SPP1: variants seen among roughly 807,000 people sequenced by gnomAD.
SPP1 encodes the protein secreted phosphoprotein 1.
A neutral mutation model predicts 20.8 loss-of-function variants in SPP1; 18 were observed. The ratio of observed to expected loss-of-function variants is 0.87; its 90% CI spans 0.60 to 1.29. The LOEUF (loss-of-function observed/expected upper bound fraction) is 1.29. Among genes scored for constraint, SPP1 ranks in the 50% most tolerant of loss-of-function variants. SPP1 has a pLI of 0.00. For synonymous variants in SPP1, 146 were observed against 141.5 expected (o/e 1.03, Z -0.23); for missense variants, 363 against 389.0 (o/e 0.93, Z 0.56).
chr4:87,980,168 A>G (rs1256299786), intron 4 of SPP1, 42 bp downstream of exon 4: 5 of 1,607,838 alleles, frequency 3.1e-6, no homozygotes, highest in Middle Eastern at 1.7e-4. Flanking sequence ...GTGATGAAAG[A>G]TAGCCACACT....
At position 87,976,885 on chromosome 4, in the gene SPP1, A is replaced by G; in HGVS notation, c.-11A>G. 1 of 1,611,496 alleles carries G rather than the reference A, an allele frequency of 6.2e-7. No individual in the cohort carries two copies. The highest frequency in any genetic ancestry group is 8.5e-7 in the Non-Finnish European group (1 of 1,177,774). On this transcript the variant is annotated 5_prime_UTR_variant, in exon 2 of 7. Coordinates refer to ENST00000395080, the MANE Select transcript of SPP1 (RefSeq NM_001040058.2). ...TTCCTTATGAAATATTTTGCAGGAA[A>G]ACTCACTACCATGAGAATTGCAGTG...
In SPP1 at chr4:87,980,075, C is replaced by T; in HGVS notation, c.123C>T (p.Ala41=). ...QLYNKYPDAV[A]TWLNPDPSQK... ...ACAACAAATACCCAGATGCTGTGGC[C>T]ACATGGCTAAACCCTGACCCATCTC... Residue 41 remains alanine (A), a synonymous_variant, in exon 4 of 7, where the codon GCC becomes GCT. Coordinates refer to ENST00000395080, the MANE Select transcript of SPP1 (RefSeq NM_001040058.2). 4 of 1,614,044 alleles carry T rather than the reference C, an allele frequency of 2.5e-6. No homozygotes were observed. Among genetic ancestry groups the T allele is most frequent in the Non-Finnish European group, 3.4e-6 (4 of 1,180,006 alleles).
intron 5 of SPP1, 63 bp from the exon 6 acceptor site, chr4:87,981,412 C>T: frequency 2.1e-6 from 3 of 1,398,418 alleles, no homozygotes; most frequent in Non-Finnish European, 3.0e-6. Context: ...GACTAATGTG[C>T]TATAAAGGCT....
At chr4:87,978,620 G>T (rs989490596) in intron 3 of SPP1, among the ~76,000 whole-genome samples, 7 of 152,066 alleles carry the variant, frequency 4.6e-5, no homozygotes, top group Non-Finnish European at 1.0e-4. Flanking sequence ...CTGACCTCGT[G>T]ATCCACCCTC....
In SPP1 at chr4:87,982,599, T is replaced by C. The variant is rs781212990; in HGVS notation, c.648T>C (p.Asp216=). 4 of 1,614,096 alleles carry C rather than the reference T, an allele frequency of 2.5e-6. No homozygotes were observed. Among genetic ancestry groups the C allele is most frequent in the South Asian group, 2.2e-5 (2 of 91,078 alleles). The change falls in exon 7 of 7, where the codon GAT becomes GAC. Residue 216 remains aspartate, a synonymous_variant. Transcript: ENST00000395080. The part of the protein sequence containing the change: ...PVAQDLNAPS[D]WDSRGKDSYE... ...CCCAGGACCTGAACGCGCCTTCTGA[T>C]TGGGACAGCCGTGGGAAGGACAGTT...
In SPP1 at chr4:87,982,693, C is replaced by G; in HGVS notation, c.742C>G (p.Arg248Gly). 6.2e-7 allele frequency: 1 copy of G among 1,614,000 alleles called. No homozygotes were observed. Among genetic ancestry groups the G allele is most frequent in the Non-Finnish European group, 8.5e-7 (1 of 1,180,010 alleles). The change falls in exon 7 of 7, where the codon CGG becomes GGG. Residue 248 changes from arginine (R) to glycine (G), a missense_variant. Transcript: ENST00000395080. The stretch of plus-strand genomic sequence containing the variant: ...CCACAAGCAGTCCAGATTATATAAG[C>G]GGAAAGCCAATGATGAGAGCAATGA... ...HSHKQSRLYK[R>G]KANDESNEHS...
intron 5 of SPP1, 177 bp downstream of exon 5, chr4:87,980,611 G>A (rs1421100102): frequency 6.2e-6 from 4 of 646,306 alleles, no homozygotes; most frequent in African/African-American, 1.9e-5. Context: ...AGGTTTCCTC[G>A]GATAAGTTTA....
At position 87,978,959 on chromosome 4, in the gene SPP1, A is replaced by G. The variant is rs548011601; in HGVS notation, c.94-1087A>G. Among the ~76,000 whole-genome samples, 12 of 152,332 alleles carry G rather than the reference A, an allele frequency of 7.9e-5. No individual in the cohort carries two copies. In the South Asian group the frequency reaches 2.3e-3, roughly 29 times the overall value. ...CTCAGAGCAATTTCCACTCCTTTGC[A>G]GTAGCATATTATCAGTATTTTCCAG... On this transcript the variant is annotated intron_variant, in intron 3 of 6. Coordinates refer to ENST00000395080, the MANE Select transcript of SPP1 (RefSeq NM_001040058.2).
intron 3 of SPP1, among the ~76,000 whole-genome samples, chr4:87,979,668 A>G (rs1472594157): frequency 1.3e-5 from 2 of 152,206 alleles, no homozygotes; most frequent in African/African-American, 4.8e-5. Flanking sequence ...AAGAAAGCAC[A>G]GTGTGAAGTT....
Position 87,981,499 on chromosome 4 carries a change from A to T in SPP1, c.241A>T (p.Ser81Cys), listed in dbSNP as rs779398016. The T allele has an allele frequency of 8.1e-6, 13 of 1,614,150 alleles. No homozygotes were observed. In the South Asian group the frequency reaches 1.4e-4, roughly 18 times the overall value. The change falls in exon 6 of 7, where the codon AGC (serine) becomes TGC (cysteine). Residue 81 changes from serine (S) to cysteine (C), a missense_variant. Ser to Cys is a moderately radical substitution (Grantham distance 112). Transcript: ENST00000395080. ...QETLPSKSNE[S>C]HDHMDDMDDE... The stretch of plus-strand genomic sequence containing the variant: ...GACCCTTCCAAGTAAGTCCAACGAA[A>T]GCCATGACCACATGGATGATATGGA...
chr4:87,978,357 A>G (rs1725480835), intron 3 of SPP1, among the ~76,000 whole-genome samples: 1 of 151,228 alleles, frequency 6.6e-6, no homozygotes, highest in African/African-American at 2.4e-5. Flanking sequence ...AAAAACTCTG[A>G]ACTCATCTGG....
chr4:87,978,953 C>A (rs987730696), intron 3 of SPP1, among the ~76,000 whole-genome samples: 2 of 152,146 alleles, frequency 1.3e-5, no homozygotes, highest in Non-Finnish European at 2.9e-5. Context: ...ATTTCCACTC[C>A]TTTGCAGTAG....
chr4:87,983,082 T>A lies in SPP1; in HGVS notation c.*186T>A. On this transcript the variant is annotated 3_prime_UTR_variant, in exon 7 of 7. Coordinates refer to ENST00000395080, the MANE Select transcript of SPP1 (RefSeq NM_001040058.2). ...TTTGTGGCTTCATGGAAACTCCCTG[T>A]AAACTAAAAGCTTCAGGGTTATGTC... The A allele has an allele frequency of 1.6e-6, 1 of 608,040 alleles. No individual in the cohort carries two copies. The highest frequency in any genetic ancestry group is 2.8e-6 in the Non-Finnish European group (1 of 362,254). 37.7% of individuals were successfully genotyped at this position (608,040 alleles called of 1,614,324 possible). A position where few individuals can be genotyped will look rare whatever the true frequency, so the allele number is the denominator to read the frequency against.
intron 1 of SPP1, among the ~76,000 whole-genome samples, chr4:87,976,509 C>A (rs568704216): frequency 7.2e-4 from 109 of 152,072 alleles, no homozygotes; most frequent in Non-Finnish European, 1.1e-3. Context: ...GTTTTTTCTT[C>A]TCTAAAAAAT....
Position 87,981,737 on chromosome 4 carries a change from G to T in SPP1, c.479G>T (p.Gly160Val), listed in dbSNP as rs1725657035. ...ACAGTAGACACATATGATGGCCGAG[G>T]TGATAGTGTGGTTTATGGACTGAGG... ...VPTVDTYDGR[G>V]DSVVYGLRSK... Residue 160 changes from glycine (G) to valine (V), a missense_variant, in exon 6 of 7, where the codon GGT (glycine) becomes GTT (valine). Physicochemically the swap from Gly to Val is moderately radical, Grantham distance 109. Transcript: ENST00000395080. 2.5e-6 allele frequency: 4 copies of T among 1,614,088 alleles called. No homozygotes were observed. Among genetic ancestry groups the T allele is most frequent in the Non-Finnish European group, 2.5e-6 (3 of 1,180,042 alleles).
chr4:87,982,403 T>C, intron 6 of SPP1, 89 bp from the exon 7 acceptor site: 2 of 1,464,386 alleles, frequency 1.4e-6, no homozygotes, highest in Non-Finnish European at 1.8e-6. Context: ...TAGTATAAGA[T>C]GACCTAAAAG....
chr4:87,977,299 C>A (rs1200334065), intron 3 of SPP1, among the ~76,000 whole-genome samples: 1 of 152,016 alleles, frequency 6.6e-6, no homozygotes, highest in South Asian at 2.1e-4. Context: ...TAAAACCAAC[C>A]CAGATATTTT....
At chr4:87,977,772 G>A in intron 3 of SPP1, 2 of 1,286,106 alleles carry the variant, frequency 1.6e-6, no homozygotes, top group Non-Finnish European at 2.0e-6. Flanking sequence ...TTCAATTCCA[G>A]TTGAACAGAA....
At chr4:87,977,442 G>C (rs577922959) in intron 3 of SPP1, among the ~76,000 whole-genome samples, 7 of 152,282 alleles carry the variant, frequency 4.6e-5, no homozygotes, top group Admixed American at 1.3e-4. Flanking sequence ...GCTTTGTTTA[G>C]TGGATTGCTA....
Sources: gnomAD v4.1 joint callset for allele counts (sites outside exome capture counted in the v4.1 genomes callset) on GRCh38, gnomAD v4.1.1 for gene constraint, MANE v1.5 for transcripts, NCBI Gene and HGNC (gene_info 2026-07-23, HGNC 2026-07-21) for gene names.